MED12L: variants seen among roughly 807,000 people sequenced by gnomAD.
MED12L encodes mediator of RNA polymerase II transcription subunit 12-like protein.
MED12L carries 60 observed loss-of-function variants against 281.3 expected under a neutral mutation model. That is an observed-to-expected ratio of 0.21 (90% CI 0.17 to 0.26). The LOEUF (loss-of-function observed/expected upper bound fraction) is 0.26. Among genes scored for constraint, MED12L ranks in the 10% least tolerant of loss-of-function variants. The pLI, the probability that MED12L is intolerant of heterozygous loss-of-function variation, is 1.00. For synonymous variants in MED12L, 974 were observed against 987.2 expected (o/e 0.99, Z 0.25); for missense variants, 2,146 against 2,680.9 (o/e 0.80, Z 4.41).
chr3:151,173,257 A>C lies in MED12L; in HGVS notation c.1494+7275A>C, dbSNP rs1721654817. 2.0e-5 allele frequency among the ~76,000 whole-genome samples: 3 copies of C among 152,176 alleles called. No individual in the cohort carries two copies. In the South Asian group the frequency reaches 6.2e-4, roughly 31 times the overall value. ...GGCAACCAATGCTAGAGAGGATGAG[A>C]AATTGTTGAGGCTGATACCCAACTC... On this transcript the variant is annotated intron_variant, in intron 11 of 44. Coordinates refer to ENST00000687756, the MANE Select transcript of MED12L (RefSeq NM_001393769.1).
intron 16 of MED12L, chr3:151,329,625 A>C: frequency 1.3e-6 from 1 of 788,206 alleles, no homozygotes; most frequent in Non-Finnish European, 2.1e-6. Context: ...ACCCATTAGA[A>C]CCTCTTCATA....
chr3:151,136,591 G>A (rs775664606), intron 5 of MED12L, among the ~76,000 whole-genome samples: 1 of 152,210 alleles, frequency 6.6e-6, no homozygotes, highest in Non-Finnish European at 1.5e-5. Context: ...TATTGGGGGT[G>A]AGACTTTGGT....
intron 36 of MED12L, among the ~76,000 whole-genome samples, chr3:151,385,715 G>T (rs1197132598): frequency 3.3e-5 from 2 of 61,100 alleles, no homozygotes; most frequent in Admixed American, 1.9e-4. Context: ...CCTGTCTCTG[G>T]GGGGGGAAAA....
chr3:151,100,446 A>C (rs1359817947), intron 2 of MED12L, among the ~76,000 whole-genome samples: 1 of 152,200 alleles, frequency 6.6e-6, no homozygotes, highest in Non-Finnish European at 1.5e-5. Context: ...AGAACTAATA[A>C]AAATGTATTT....
chr3:151,160,917 A>G (rs2148957366), intron 8 of MED12L, among the ~76,000 whole-genome samples: 1 of 152,346 alleles, frequency 6.6e-6, no homozygotes, highest in East Asian at 1.9e-4. Flanking sequence ...ATCAAGTAAA[A>G]AGAAGTAGTA....
rs1285465175 is a variant in MED12L at position 151,193,574 on chromosome 3, G to T, written c.2158G>T (p.Val720Leu). ...RRMSVNCEKL[V>L]KREKPRELIF... is the part of the protein sequence containing the mutation. ...AATGTCAGTTAATTGTGAGAAGTTG[G>T]TGAAGAGGGAAAAGCCAAGGGAATT... The change falls in exon 16 of 45, where the codon GTG becomes TTG. Residue 720 changes from valine to leucine, a missense_variant. Val to Leu is a conservative substitution (Grantham distance 32, BLOSUM62 1). Transcript: ENST00000687756. 6.2e-7 allele frequency: 1 copy of T among 1,614,054 alleles called. No individual in the cohort carries two copies. Among genetic ancestry groups the T allele is most frequent in the Non-Finnish European group, 8.5e-7 (1 of 1,179,918 alleles).
chr3:151,324,383 G>A (rs542210201), intron 16 of MED12L, among the ~76,000 whole-genome samples: 7 of 152,188 alleles, frequency 4.6e-5, no homozygotes, highest in Non-Finnish European at 8.8e-5. Context: ...GAAACGTATC[G>A]TTTTTGTGGG....
At chr3:151,399,183 A>G (rs577935338) in intron 39 of MED12L, among the ~76,000 whole-genome samples, 26 of 152,184 alleles carry the variant, frequency 1.7e-4, no homozygotes, top group Non-Finnish European at 3.5e-4. Flanking sequence ...TACTTACTTT[A>G]TAGGGTAGTT....
chr3:151,085,745 C>G lies in MED12L; in HGVS notation c.-321C>G, dbSNP rs1408068946. 2.0e-5 allele frequency: 3 copies of G among 152,012 alleles called. No homozygotes were observed. The highest frequency in any genetic ancestry group is 4.8e-5 in the African/African-American group (2 of 41,436). 9.4% of individuals were successfully genotyped at this position (152,012 alleles called of 1,614,324 possible). On this transcript the variant is annotated 5_prime_UTR_variant, in exon 1 of 45. Transcript: ENST00000687756. ...GCCGTGGGGGCGAGAACGCCGGCGG[C>G]GAGCCGGCGTCGCTCGCCGCCCCCA...
intron 16 of MED12L, among the ~76,000 whole-genome samples, chr3:151,300,691 G>A (rs1745791296): frequency 6.6e-6 from 1 of 152,168 alleles, no homozygotes; most frequent in Admixed American, 6.5e-5. Flanking sequence ...GAGACTTTCA[G>A]GTCCCATCAC....
chr3:151,412,051 G>T (rs1716999896), intron 41 of MED12L, among the ~76,000 whole-genome samples: 2 of 152,150 alleles, frequency 1.3e-5, no homozygotes. Flanking sequence ...GTGTATAACT[G>T]TACTGTCTGT....
intron 16 of MED12L, among the ~76,000 whole-genome samples, chr3:151,322,445 C>T (rs1749101891): frequency 6.6e-6 from 1 of 152,054 alleles, no homozygotes; most frequent in South Asian, 2.1e-4. Flanking sequence ...AATTCACCTG[C>T]CTTGGCCTCC....
chr3:151,393,642 A>G (rs989489558), intron 38 of MED12L, among the ~76,000 whole-genome samples: 1 of 152,110 alleles, frequency 6.6e-6, no homozygotes, highest in Middle Eastern at 3.2e-3. Flanking sequence ...GTAGCTATCT[A>G]TTTAGGAAAC....
At position 151,338,466 on chromosome 3, in the gene MED12L, G is replaced by A. The variant is rs116818045; in HGVS notation, c.2251-11593G>A. The stretch of plus-strand genomic sequence containing the variant: ...GGGGTTGGATGTTTTAAATGGCCTG[G>A]TGGTCTTCTGGTAGCGATCGATAGT... On this transcript the variant is annotated intron_variant, in intron 16 of 44. Coordinates refer to ENST00000687756, the MANE Select transcript of MED12L (RefSeq NM_001393769.1). The A allele has an allele frequency of 6.0e-4, 969 of 1,613,944 alleles. 9 individuals are homozygous for A. In the African/African-American group the frequency reaches 0.012, roughly 19 times the overall value.
chr3:151,201,223 A>ACTCTCTCTCT (rs58729370), intron 16 of MED12L, among the ~76,000 whole-genome samples: 3 of 147,896 alleles, frequency 2.0e-5, no homozygotes, highest in African/African-American at 7.4e-5. Context: ...ACGTGCACAC[A>ACTCTCTCTCT]CTCTCTCTCT....
At chr3:151,338,149 T>G in intron 16 of MED12L, 1 of 1,614,072 alleles carries the variant, frequency 6.2e-7, no homozygotes, top group Non-Finnish European at 8.5e-7. Flanking sequence ...ACGTTCACCT[T>G]TTTCCTGGGG....
chr3:151,145,681 C>G (rs1490294524), intron 5 of MED12L, among the ~76,000 whole-genome samples: 1 of 152,178 alleles, frequency 6.6e-6, no homozygotes, highest in Non-Finnish European at 1.5e-5. Flanking sequence ...TGTGAATCTA[C>G]AGTTATCTCA....
intron 16 of MED12L, among the ~76,000 whole-genome samples, chr3:151,230,017 T>C (rs1311505758): frequency 2.6e-5 from 4 of 152,280 alleles, no homozygotes; most frequent in Admixed American, 2.6e-4. Flanking sequence ...TTGCCCAGGC[T>C]GGAGTGCAGT....
Position 151,433,092 on chromosome 3 carries a change from CT to C in MED12L, c.*295del. The stretch of plus-strand genomic sequence containing the variant: ...GCTAGCAGACCTTTTGAAATTGGTG[CT>C]TTTTTTGAATCTCACATTTCTAGAA... On this transcript the variant is annotated 3_prime_UTR_variant, in exon 45 of 45. Coordinates refer to ENST00000687756, the MANE Select transcript of MED12L (RefSeq NM_001393769.1). 4.5e-5 allele frequency: 13 copies of C among 291,874 alleles called. No individual in the cohort carries two copies. The highest frequency in any genetic ancestry group is 7.7e-5 in the South Asian group (1 of 13,054). 18.1% of individuals were successfully genotyped at this position (291,874 alleles called of 1,614,324 possible). A position where few individuals can be genotyped will look rare whatever the true frequency, so the allele number is the denominator to read the frequency against.
Sources: gnomAD v4.1 joint callset for allele counts (sites outside exome capture counted in the v4.1 genomes callset) on GRCh38, gnomAD v4.1.1 for gene constraint, MANE v1.5 for transcripts, NCBI Gene and HGNC (gene_info 2026-07-23, HGNC 2026-07-21) for gene names.